Variants in KLHL7 observed in about 807,000 individuals in gnomAD.
The protein encoded by KLHL7 is kelch like family member 7, also known as kelch-like protein 7.
Under a neutral mutation model 67.4 loss-of-function variants are expected in KLHL7, and 44 were observed. That is an observed-to-expected ratio of 0.65 (90% CI 0.51 to 0.84). The LOEUF is 0.84. Among genes scored for constraint, KLHL7 ranks in the 40% least tolerant of loss-of-function variants. The probability of loss-of-function intolerance (pLI) is 0.00; values close to 1 mark genes in which losing one functional copy is unlikely to be tolerated. For missense variants in KLHL7, 362 were observed against 718.1 expected (o/e 0.50, Z 5.67); for synonymous variants, 252 against 243.3 (o/e 1.04, Z -0.33).
chr7:23,146,376 G>A (rs4294098), intron 6 of KLHL7, among the ~76,000 whole-genome samples: 68,589 of 152,046 alleles, frequency 0.45, 17,829 homozygotes, highest in African/African-American at 0.73. Context: ...TGTCTTCATA[G>A]ATTGTGTTTT....
rs60478055 is a variant in KLHL7 at position 23,146,891 on chromosome 7, A to G, written c.793+2866A>G. Among the ~76,000 whole-genome samples, 1,368 of 152,158 alleles carry G rather than the reference A, an allele frequency of 9.0e-3. 20 individuals are homozygous for G. The highest frequency in any genetic ancestry group is 0.031 in the African/African-American group (1,288 of 41,496). ...TCAAGTATAGTGTAGGTACACATAC[A>G]CACAGTCAGTTTCTCTTCTACTTCA... On this transcript the variant is annotated intron_variant, in intron 6 of 10. Coordinates refer to ENST00000339077, the MANE Select transcript of KLHL7 (RefSeq NM_001031710.3).
At chr7:23,151,152 G>GTTTTTT (rs10653794) in intron 6 of KLHL7, among the ~76,000 whole-genome samples, 7 of 77,642 alleles carry the variant, frequency 9.0e-5, no homozygotes, top group Non-Finnish European at 1.5e-4. Flanking sequence ...TTCTGGGCCT[G>GTTTTTT]TTTTGTTTTT....
At chr7:23,162,581 G>A (rs1455240571) in intron 7 of KLHL7, among the ~76,000 whole-genome samples, 2 of 152,136 alleles carry the variant, frequency 1.3e-5, no homozygotes, top group African/African-American at 4.8e-5. Context: ...TACAGAGCCT[G>A]GCTTCATACC....
rs113314403 is a variant in KLHL7, at chr7:23,166,234, A to G, written c.1177+296A>G. Among the ~76,000 whole-genome samples the G allele has an allele frequency of 3.7e-3, 566 of 152,248 alleles. 6 individuals are homozygous for G. The highest frequency in any genetic ancestry group is 0.013 in the African/African-American group (546 of 41,560). Reference sequence around the variant, plus strand: ...TAAATTATTTGGGCTGCATAATATTATTTGTTTTAAAGATTTCAGAGTTCA... The same window carrying G: ...TAAATTATTTGGGCTGCATAATATTGTTTGTTTTAAAGATTTCAGAGTTCA... On this transcript the variant is annotated intron_variant, in intron 8 of 10. Coordinates refer to ENST00000339077, the MANE Select transcript of KLHL7 (RefSeq NM_001031710.3).
At chr7:23,126,246 C>T (rs1049461220) in intron 4 of KLHL7, among the ~76,000 whole-genome samples, 4 of 152,098 alleles carry the variant, frequency 2.6e-5, no homozygotes, top group Admixed American at 2.0e-4. Context: ...AGCAGGATGA[C>T]GTGAGATTTC....
intron 7 of KLHL7, chr7:23,155,933 GCACTT>G: frequency 3.5e-6 from 1 of 284,936 alleles, no homozygotes; most frequent in South Asian, 2.0e-5. Flanking sequence ...ATGACTCTTA[GCACTT>G]TATTTTTAGT....
chr7:23,122,426 T>G (rs1783391240), intron 1 of KLHL7, among the ~76,000 whole-genome samples: 1 of 152,176 alleles, frequency 6.6e-6, no homozygotes, highest in South Asian at 2.1e-4. Flanking sequence ...GGTAACCAAA[T>G]AGTTAACTTG....
chr7:23,106,824 C>G, intron 1 of KLHL7: 1 of 983,886 alleles, frequency 1.0e-6, no homozygotes, highest in Non-Finnish European at 1.2e-6. Flanking sequence ...GATTTTAACG[C>G]TGGCGAAGGT....
chr7:23,127,233 C>G (rs1475785085), intron 4 of KLHL7, among the ~76,000 whole-genome samples: 1 of 152,108 alleles, frequency 6.6e-6, no homozygotes, highest in African/African-American at 2.4e-5. Context: ...TGTGGTGGTG[C>G]AAAGCATAGT....
chr7:23,158,127 A>C (rs1255912292), intron 7 of KLHL7, among the ~76,000 whole-genome samples: 1 of 151,712 alleles, frequency 6.6e-6, no homozygotes, highest in African/African-American at 2.4e-5. Flanking sequence ...ACCACACCCC[A>C]CTAATTTTTT....
chr7:23,111,366 G>A (rs571474490), intron 1 of KLHL7, among the ~76,000 whole-genome samples: 1 of 152,166 alleles, frequency 6.6e-6, no homozygotes, highest in Non-Finnish European at 1.5e-5. Flanking sequence ...AACATAAGGC[G>A]GACGATGGTT....
At chr7:23,169,313 A>G (rs1249972420) in intron 9 of KLHL7, among the ~76,000 whole-genome samples, 5 of 152,180 alleles carry the variant, frequency 3.3e-5, no homozygotes, top group Non-Finnish European at 7.3e-5. Flanking sequence ...ATGATTAATT[A>G]TGTGCATTTA....
In KLHL7 at chr7:23,176,982, AT is replaced by A. The variant is rs1785307648; in HGVS notation, c.*2685del. ...GAGCAAGACACCTTCTCAAAGCAAAATACAAACAAAAAAAGGACAACATAGG... is the reference window on the plus strand; with the variant it reads ...GAGCAAGACACCTTCTCAAAGCAAAAACAAACAAAAAAAGGACAACATAGG... On this transcript the variant is annotated 3_prime_UTR_variant, in exon 11 of 11. Coordinates refer to ENST00000339077, the MANE Select transcript of KLHL7 (RefSeq NM_001031710.3). The A allele has an allele frequency of 1.3e-5, 2 of 152,322 alleles. No individual in the cohort carries two copies. Among genetic ancestry groups the A allele is most frequent in the Non-Finnish European group, 1.5e-5 (1 of 68,058 alleles). 9.4% of individuals were successfully genotyped at this position (152,322 alleles called of 1,614,324 possible). A position where few individuals can be genotyped will look rare whatever the true frequency, so the allele number is the denominator to read the frequency against.
intron 7 of KLHL7, among the ~76,000 whole-genome samples, chr7:23,164,878 C>A (rs1390959323): frequency 3.3e-5 from 5 of 152,182 alleles, no homozygotes; most frequent in Non-Finnish European, 7.4e-5. Flanking sequence ...CTATCTGACC[C>A]TGATTATTTT....
intron 3 of KLHL7, 87 bp downstream of exon 3, chr7:23,124,868 A>G: frequency 2.6e-6 from 3 of 1,139,824 alleles, no homozygotes; most frequent in Middle Eastern, 1.9e-4. Flanking sequence ...TTGCACTACA[A>G]ATTCTTCAAA....
chr7:23,121,680 C>T (rs1300177367), intron 1 of KLHL7, among the ~76,000 whole-genome samples: 1 of 134,206 alleles, frequency 7.5e-6, no homozygotes, highest in Non-Finnish European at 1.6e-5. Context: ...CAGTCCCATC[C>T]TTTTTTTTTT....
chr7:23,116,724 A>T (rs1342891404), intron 1 of KLHL7, among the ~76,000 whole-genome samples: 1 of 152,196 alleles, frequency 6.6e-6, no homozygotes, highest in Non-Finnish European at 1.5e-5. Flanking sequence ...CAGAAAGGTA[A>T]TTCTAATTGT....
chr7:23,116,566 T>A (rs939190461), intron 1 of KLHL7, among the ~76,000 whole-genome samples: 4 of 152,364 alleles, frequency 2.6e-5, no homozygotes. Flanking sequence ...TTAGAATACC[T>A]TTCTTTTTCT....
intron 4 of KLHL7, among the ~76,000 whole-genome samples, chr7:23,128,103 A>G (rs962877597): frequency 6.6e-6 from 1 of 150,832 alleles, no homozygotes; most frequent in South Asian, 2.1e-4. Flanking sequence ...ACTGCACTCT[A>G]GGCTGGACTA....
Sources: gnomAD v4.1 joint callset for allele counts (sites outside exome capture counted in the v4.1 genomes callset) on GRCh38, gnomAD v4.1.1 for gene constraint, MANE v1.5 for transcripts, NCBI Gene and HGNC (gene_info 2026-07-23, HGNC 2026-07-21) for gene names.